Variants in SLC25A12 observed in about 807,000 individuals in gnomAD.
The protein encoded by SLC25A12 is electrogenic aspartate/glutamate antiporter SLC25A12, mitochondrial.
SLC25A12 carries 32 observed loss-of-function variants against 83.3 expected under a neutral mutation model. The observed-to-expected ratio is 0.38, with a 90% confidence interval of 0.29 to 0.52. SLC25A12 has a LOEUF of 0.52. SLC25A12 is among the 20% of genes least tolerant of loss of function. The probability of loss-of-function intolerance (pLI) is 0.84; values close to 1 mark genes in which losing one functional copy is unlikely to be tolerated. For synonymous variants in SLC25A12, 267 were observed against 291.1 expected, an observed-to-expected ratio of 0.92 and a Z score of 0.84; for missense variants, 611 against 835.6, an observed-to-expected ratio of 0.73 and a Z score of 3.31.
intron 9 of SLC25A12, among the ~76,000 whole-genome samples, chr2:171,825,518 T>A (rs969612653): frequency 6.6e-6 from 1 of 152,196 alleles, no homozygotes; most frequent in African/African-American, 2.4e-5. Context: ...GTGGCAGCAA[T>A]GAAGAAAGAG....
chr2:171,866,285 C>A (rs765991666), intron 3 of SLC25A12, among the ~76,000 whole-genome samples: 2,431 of 141,870 alleles, frequency 0.017, 13 homozygotes, highest in Admixed American at 0.062. Context: ...CCCCACCTTT[C>A]CCCCCTTTCT....
chr2:171,867,657 G>C lies in SLC25A12; in HGVS notation c.209+1024C>G, dbSNP rs1314443312. Reference sequence around the variant, plus strand: ...CCGTGGGGAGAGGGAGAGGGAGAGGGAGAGCGCCTAATCTCTTTTTTAAGA... The same window carrying C: ...CCGTGGGGAGAGGGAGAGGGAGAGGCAGAGCGCCTAATCTCTTTTTTAAGA... On this transcript the variant is annotated intron_variant, in intron 3 of 17. Coordinates refer to ENST00000422440, the MANE Select transcript of SLC25A12 (RefSeq NM_003705.5). Among the ~76,000 whole-genome samples, 4 of 152,162 alleles carry C rather than the reference G, an allele frequency of 2.6e-5. No individual in the cohort carries two copies. The East Asian group carries it at 5.8e-4, about 22-fold the overall frequency.
chr2:171,795,407 G>A (rs558823247), intron 13 of SLC25A12, among the ~76,000 whole-genome samples: 1 of 152,292 alleles, frequency 6.6e-6, no homozygotes, highest in African/African-American at 2.4e-5. Flanking sequence ...AAGGATTGCT[G>A]CATGAAAAAT....
chr2:171,887,660 A>T (rs1002276954), intron 2 of SLC25A12, among the ~76,000 whole-genome samples: 20 of 152,228 alleles, frequency 1.3e-4, no homozygotes, highest in Non-Finnish European at 2.4e-4. Flanking sequence ...ATGTAGCTAA[A>T]TTGAATCAAT....
At chr2:171,791,401 T>C (rs1269724538) in intron 15 of SLC25A12, 50 bp downstream of exon 15, 1 of 1,503,088 alleles carries the variant, frequency 6.7e-7, no homozygotes, top group South Asian at 1.1e-5. Context: ...GATTCTGTAC[T>C]TTTTAAATAA....
rs756390991 is a variant in SLC25A12 at position 171,785,248 on chromosome 2, T to C, written c.*26A>G. The C allele has an allele frequency of 8.7e-6, 14 of 1,611,890 alleles. No individual in the cohort carries two copies. The South Asian group carries it at 1.4e-4, about 16-fold the overall frequency. ...CTAGGCCTCTTTCTTCAAGGCGCCA[T>C]TTTGCCACACTCAACAGTTGTCTCA... On this transcript the variant is annotated 3_prime_UTR_variant, in exon 18 of 18. Coordinates refer to ENST00000422440, the MANE Select transcript of SLC25A12 (RefSeq NM_003705.5).
At chr2:171,887,365 G>A (rs1440930115) in intron 2 of SLC25A12, among the ~76,000 whole-genome samples, 3 of 152,088 alleles carry the variant, frequency 2.0e-5, no homozygotes, top group Admixed American at 1.3e-4. Flanking sequence ...TAATATTTGA[G>A]GTCTACATTT....
chr2:171,834,042 T>C lies in SLC25A12; in HGVS notation c.766A>G (p.Ser256Gly). 6.2e-7 allele frequency: 1 copy of C among 1,603,328 alleles called. No homozygotes were observed. The highest frequency in any genetic ancestry group is 8.5e-7 in the Non-Finnish European group (1 of 1,170,408). ...VEVTKEEFAQ[S>G]AIRYGQVTPL... is the part of the protein sequence containing the mutation. ...GTGACTTGTCCATAGCGTATGGCAC[T>C]CTGGGCAAATTCCTCTGGAACAGAG... is the stretch of plus-strand genomic sequence containing the variant. The change falls in exon 8 of 18, where the codon AGT (serine) becomes GGT (glycine). Residue 256 changes from serine (S) to glycine (G), a missense_variant. Around this residue, in one of 3 missense-constraint regions of SLC25A12, gnomAD observed 540 missense variants for 777.5 expected, o/e 0.69. Transcript: ENST00000422440.
chr2:171,854,346 A>C (rs1685000797), intron 4 of SLC25A12, among the ~76,000 whole-genome samples: 1 of 152,194 alleles, frequency 6.6e-6, no homozygotes, highest in Non-Finnish European at 1.5e-5. Flanking sequence ...AGACAGACGG[A>C]TCATGAGGTC....
rs36075483 is a variant in SLC25A12, at chr2:171,802,413, AGTTT to A, written c.1305+7189_1305+7192del. ...AGTTATCATAAATTCTGAATGAGTA[AGTTT>A]GTTTGAGAAGATTTTGATATAGATA... On this transcript the variant is annotated intron_variant, in intron 13 of 17. Coordinates refer to ENST00000422440, the MANE Select transcript of SLC25A12 (RefSeq NM_003705.5). 0.039 allele frequency among the ~76,000 whole-genome samples: 5,982 copies of A among 152,274 alleles called. 763 individuals are homozygous for A. In the East Asian group the frequency reaches 0.52, roughly 13 times the overall value.
chr2:171,813,274 G>A (rs1683984357), intron 11 of SLC25A12, 65 bp downstream of exon 11: 2 of 1,550,578 alleles, frequency 1.3e-6, no homozygotes, highest in East Asian at 2.2e-5. Context: ...CATAATTAGT[G>A]AGTTAAAATC....
At chr2:171,863,471 A>G (rs1349972913) in intron 3 of SLC25A12, among the ~76,000 whole-genome samples, 1 of 151,594 alleles carries the variant, frequency 6.6e-6, no homozygotes, top group African/African-American at 2.4e-5. Flanking sequence ...GGTTGCAGTG[A>G]GCTGAGATCA....
intron 4 of SLC25A12, among the ~76,000 whole-genome samples, chr2:171,851,456 T>C (rs1272879706): frequency 1.3e-5 from 2 of 148,682 alleles, no homozygotes; most frequent in South Asian, 2.1e-4. Flanking sequence ...CCCAAAGTGC[T>C]GGGATTACAG....
Position 171,837,259 on chromosome 2 carries a change from T to C in SLC25A12, c.474A>G (p.Gln158=), listed in dbSNP as rs200974554. 2.4e-5 allele frequency: 38 copies of C among 1,613,928 alleles called. No individual in the cohort carries two copies. The highest frequency in any genetic ancestry group is 1.6e-4 in the Middle Eastern group (1 of 6,082). ...CAAAGGCTTGTCTTGCATGTTCCAA[T>C]TGCAGCTCCTGTGAGGAAATTAGAA... The part of the protein sequence containing the change: ...TEFTQFLQEL[Q]LEHARQAFAL... Residue 158 remains glutamine, a synonymous_variant, in exon 6 of 18, where the codon CAA becomes CAG. Transcript: ENST00000422440.
intron 1 of SLC25A12, among the ~76,000 whole-genome samples, chr2:171,893,975 C>T (rs879538016): frequency 2.0e-5 from 3 of 152,100 alleles, no homozygotes; most frequent in Non-Finnish European, 4.4e-5. Context: ...ACCCGTGTTA[C>T]CGTACAAGCC....
rs1312490818 is a variant in SLC25A12, at chr2:171,784,435, A to G, written c.*839T>C. ...CCATATGAAGGGAAATTGTGAAAGTATCCTTTACTCTTTTGAAAGCTTGGC... is the reference window on the plus strand; with the variant it reads ...CCATATGAAGGGAAATTGTGAAAGTGTCCTTTACTCTTTTGAAAGCTTGGC... On this transcript the variant is annotated 3_prime_UTR_variant, in exon 18 of 18. Transcript: ENST00000422440. 1.3e-5 allele frequency: 2 copies of G among 152,284 alleles called. No homozygotes were observed. The highest frequency in any genetic ancestry group is 4.8e-5 in the African/African-American group (2 of 41,482). 9.4% of individuals were successfully genotyped at this position (152,284 alleles called of 1,614,324 possible).
At chr2:171,866,956 TG>T (rs1391277369) in intron 3 of SLC25A12, among the ~76,000 whole-genome samples, 1 of 137,330 alleles carries the variant, frequency 7.3e-6, no homozygotes, top group Non-Finnish European at 1.6e-5. Context: ...ACTTCTCTGA[TG>T]GGGCGGCCAG....
In SLC25A12 at chr2:171,787,657, T is replaced by C. The variant is rs1369539430; in HGVS notation, c.1749A>G (p.Arg583=). The C allele has an allele frequency of 6.2e-7, 1 of 1,613,848 alleles. No homozygotes were observed. The highest frequency in any genetic ancestry group is 1.7e-5 in the Admixed American group (1 of 59,996). The stretch of plus-strand genomic sequence containing the variant: ...CAAACTGGGGAGAGGATCGAAACAC[T>C]CGAGCTGAAAAAGAGAAGCAGGGGC... The part of the protein sequence containing the change: ...PSAFWKGTAA[R]VFRSSPQFGV... The change falls in exon 17 of 18, where the codon CGA becomes CGG. Residue 583 remains arginine, a synonymous_variant. Coordinates refer to ENST00000422440, the MANE Select transcript of SLC25A12 (RefSeq NM_003705.5).
intron 5 of SLC25A12, among the ~76,000 whole-genome samples, chr2:171,842,199 T>C (rs962123627): frequency 5.9e-5 from 9 of 152,000 alleles, no homozygotes; most frequent in Non-Finnish European, 1.2e-4. Flanking sequence ...GGAATAGTAT[T>C]CAGCCACAAA....
Sources: allele counts gnomAD v4.1 joint callset (sites outside exome capture counted in the v4.1 genomes callset), GRCh38; gene constraint gnomAD v4.1.1; regional missense constraint gnomAD v4.1.1; transcripts MANE v1.5; gene names NCBI Gene and HGNC (gene_info 2026-07-23, HGNC 2026-07-21).